Variants in DNAJC12 observed in about 807,000 individuals in gnomAD.
The protein encoded by DNAJC12 is dnaJ homolog subfamily C member 12.
DNAJC12 carries 25 observed loss-of-function variants against 28.5 expected under a neutral mutation model. The observed-to-expected ratio is 0.88, with a 90% CI of 0.64 to 1.22. DNAJC12 has a LOEUF of 1.22. Among genes scored for constraint, DNAJC12 ranks in the 50% most tolerant of loss-of-function variants. The probability of loss-of-function intolerance (pLI) is 0.00; values close to 1 mark genes in which losing one functional copy is unlikely to be tolerated. For missense variants in DNAJC12, 222 were observed against 231.7 expected, an observed-to-expected ratio of 0.96 and a Z score of 0.27; for synonymous variants, 77 against 80.6, an observed-to-expected ratio of 0.95 and a Z score of 0.24.
intron 2 of DNAJC12, among the ~76,000 whole-genome samples, chr10:67,819,107 G>A (rs1841944915): frequency 6.6e-6 from 1 of 152,140 alleles, no homozygotes; most frequent in Admixed American, 6.5e-5. Context: ...ACCGAGGCGG[G>A]CGGATCACGA....
In DNAJC12 at chr10:67,814,410, G is replaced by GA. The variant is rs201178691; in HGVS notation, c.158-2748dup. ...AAGGGTTAAAACCATAAAAAACTGG[G>GA]AAAAAAAAAACATAGGAATAAATCT... On this transcript the variant is annotated intron_variant, in intron 2 of 4. Coordinates refer to ENST00000225171, the MANE Select transcript of DNAJC12 (RefSeq NM_021800.3). 5.2e-3 allele frequency among the ~76,000 whole-genome samples: 772 copies of GA among 147,682 alleles called. 5 individuals are homozygous for GA. Among genetic ancestry groups the GA allele is most frequent in the African/African-American group, 0.012 (484 of 40,550 alleles).
At chr10:67,829,768 TGTTA>T (rs1842075319) in intron 1 of DNAJC12, among the ~76,000 whole-genome samples, 2 of 152,240 alleles carry the variant, frequency 1.3e-5, no homozygotes, top group Non-Finnish European at 2.9e-5. Flanking sequence ...ATAGGATGTT[TGTTA>T]TAGTTGATTG....
At chr10:67,800,802 G>A (rs143092694) in intron 4 of DNAJC12, among the ~76,000 whole-genome samples, 2,536 of 152,110 alleles carry the variant, frequency 0.017, 69 homozygotes, top group African/African-American at 0.058. Flanking sequence ...AAAATTAGCC[G>A]GGCATGATGG....
At chr10:67,833,977 C>T in intron 1 of DNAJC12, 1 of 455,712 alleles carries the variant, frequency 2.2e-6, no homozygotes, top group Admixed American at 2.5e-5. Context: ...GTAAGCCCTA[C>T]TGCCAAAAAA....
Position 67,838,017 on chromosome 10 carries a change from T to C in DNAJC12, c.-6A>G. ...TAATTCAGTATTGCATCCATTTAGATGACTTAATCAGTCCTTCTTCCCTCG... is the reference window on the plus strand; with the variant it reads ...TAATTCAGTATTGCATCCATTTAGACGACTTAATCAGTCCTTCTTCCCTCG... On this transcript the variant is annotated 5_prime_UTR_variant, in exon 1 of 5. Coordinates refer to ENST00000225171, the MANE Select transcript of DNAJC12 (RefSeq NM_021800.3). 6.3e-7 allele frequency: 1 copy of C among 1,596,788 alleles called. No individual in the cohort carries two copies. The highest frequency in any genetic ancestry group is 8.6e-7 in the Non-Finnish European group (1 of 1,168,404).
intron 4 of DNAJC12, among the ~76,000 whole-genome samples, chr10:67,804,315 C>T (rs555827392): frequency 1.3e-5 from 2 of 152,256 alleles, no homozygotes; most frequent in South Asian, 2.1e-4. Context: ...TTATGTATCT[C>T]CCCATTTAAT....
chr10:67,837,907 T>G (rs1426445158), intron 1 of DNAJC12, 27 bp downstream of exon 1: 1 of 1,481,818 alleles, frequency 6.7e-7, no homozygotes, highest in Admixed American at 2.0e-5. Context: ...AATACTGTTG[T>G]GATAAAAATA....
At chr10:67,811,394 T>C (rs976932425) in intron 3 of DNAJC12, 130 bp downstream of exon 3, 5 of 1,518,754 alleles carry the variant, frequency 3.3e-6, no homozygotes, top group East Asian at 2.3e-5. Flanking sequence ...CACTGAATTA[T>C]ATCCAGACTC....
At position 67,805,548 on chromosome 10, in the gene DNAJC12, C is replaced by A. The variant is rs775800503; in HGVS notation, c.502+35G>T. ...ATAAACAAAACTCTTTAATTTCAGACCTTCTCCATTCTGCAGTTATATAAC... is the reference window on the plus strand; with the variant it reads ...ATAAACAAAACTCTTTAATTTCAGAACTTCTCCATTCTGCAGTTATATAAC... On this transcript the variant is annotated intron_variant, in intron 4 of 4. Coordinates refer to ENST00000225171, the MANE Select transcript of DNAJC12 (RefSeq NM_021800.3). The A allele has an allele frequency of 1.3e-5, 20 of 1,562,374 alleles. 1 individual carries two copies. The South Asian group carries it at 1.8e-4, about 14-fold the overall frequency.
chr10:67,827,543 C>G (rs1326326686), intron 1 of DNAJC12: 3 of 151,814 alleles, frequency 2.0e-5, no homozygotes, highest in Admixed American at 1.3e-4. Context: ...AAAAATTACC[C>G]AGGTGTGGTC....
chr10:67,804,922 C>T (rs1427298024), intron 4 of DNAJC12, among the ~76,000 whole-genome samples: 1 of 152,138 alleles, frequency 6.6e-6, no homozygotes, highest in Non-Finnish European at 1.5e-5. Flanking sequence ...GTCCCAGCTA[C>T]TGGGGAATCT....
rs192052273 is a variant in DNAJC12, at chr10:67,797,769, A to G, written c.503-559T>C. On this transcript the variant is annotated intron_variant, in intron 4 of 4. Transcript: ENST00000225171. ...AAATGTATAAACCTTTGCCAGGCGC[A>G]GTGGCTCACGCCTGTAATCCCAGCA... Among the ~76,000 whole-genome samples, 161 of 152,324 alleles carry G rather than the reference A, an allele frequency of 1.1e-3. No homozygotes were observed. In the East Asian group the frequency reaches 0.021, roughly 20 times the overall value.
intron 2 of DNAJC12, among the ~76,000 whole-genome samples, chr10:67,813,640 C>A (rs1841885046): frequency 6.6e-6 from 1 of 151,214 alleles, no homozygotes; most frequent in Non-Finnish European, 1.5e-5. Flanking sequence ...CGCCTGTAAT[C>A]CCAGCTACTC....
intron 1 of DNAJC12, among the ~76,000 whole-genome samples, chr10:67,834,626 A>G (rs2025161): frequency 0.91 from 139,233 of 152,200 alleles, 63,939 homozygotes; most frequent in African/African-American, 0.94. Context: ...TCAGGAGTTC[A>G]AGGCCAGCCT....
intron 1 of DNAJC12, chr10:67,825,593 C>A (rs1842021512): frequency 3.3e-4 from 1 of 3,030 alleles, no homozygotes; most frequent in Admixed American, 8.5e-3. Context: ...GTCACCACGC[C>A]CTATGGCCAA....
chr10:67,833,950 C>A (rs762105762), intron 1 of DNAJC12: 1 of 467,402 alleles, frequency 2.1e-6, no homozygotes, highest in South Asian at 1.6e-5. Context: ...AAACAAGAAG[C>A]AGCATTAATG....
At chr10:67,823,539 A>G in intron 1 of DNAJC12, 147 bp from the exon 2 acceptor site, 1 of 622,038 alleles carries the variant, frequency 1.6e-6, no homozygotes, top group Non-Finnish European at 2.8e-6. Context: ...AGTCTCTACA[A>G]AATATAAAAT....
intron 1 of DNAJC12, among the ~76,000 whole-genome samples, chr10:67,825,077 G>C (rs1326740568): frequency 6.6e-6 from 1 of 152,098 alleles, no homozygotes; most frequent in African/African-American, 2.4e-5. Flanking sequence ...CAAGGCTTTA[G>C]GCAAATTACA....
rs1168168575 is a variant in DNAJC12 at position 67,819,718 on chromosome 10, GC to G, written c.157+3595del. On this transcript the variant is annotated intron_variant, in intron 2 of 4. Coordinates refer to ENST00000225171, the MANE Select transcript of DNAJC12 (RefSeq NM_021800.3). ...AGAAAGGAAGGAAGGAAGGAAGGAA[GC>G]AAGGAAGGAAGGAAGGAAGGAAGGA... 4.5e-3 allele frequency among the ~76,000 whole-genome samples: 69 copies of G among 15,224 alleles called. 1 individual carries two copies. The highest frequency in any genetic ancestry group is 0.013 in the African/African-American group (64 of 4,858). The allele number at this position is 15,224 out of a possible 152,430, so 10.0% of individuals were successfully genotyped here.
Sources: allele counts gnomAD v4.1 joint callset (sites outside exome capture counted in the v4.1 genomes callset), GRCh38; gene constraint gnomAD v4.1.1; transcripts MANE v1.5; gene names NCBI Gene and HGNC (gene_info 2026-07-23, HGNC 2026-07-21).